SLC66A2: variants seen among roughly 807,000 people sequenced by gnomAD.
SLC66A2 encodes PQ loop repeat containing 1.
SLC66A2 carries 23 observed loss-of-function variants against 25.5 expected under a neutral mutation model. The observed-to-expected ratio is 0.90, with a 90% confidence interval of 0.65 to 1.28. The LOEUF (loss-of-function observed/expected upper bound fraction) is 1.28, where lower values mean the gene tolerates loss of function less well. SLC66A2 is among the 50% of genes most tolerant of loss of function. The pLI, the probability that SLC66A2 is intolerant of heterozygous loss-of-function variation, is 0.00. For missense variants in SLC66A2, 396 were observed against 373.1 expected (o/e 1.06, Z -0.51); for synonymous variants, 193 against 166.5 (o/e 1.16, Z -1.23).
chr18:79,948,788 A>G (rs1263101494), intron 2 of SLC66A2, among the ~76,000 whole-genome samples: 1 of 152,226 alleles, frequency 6.6e-6, no homozygotes, highest in Non-Finnish European at 1.5e-5. Context: ...CCTGAAGACG[A>G]GTGCAGCGCT....
chr18:79,951,182 G>A (rs1407480982), intron 1 of SLC66A2, among the ~76,000 whole-genome samples, 157 bp from the exon 2 acceptor site: 3 of 151,682 alleles, frequency 2.0e-5, no homozygotes, highest in Non-Finnish European at 3.0e-5. Flanking sequence ...GGACGGGGGG[G>A]TGTCTGGGGG....
chr18:79,943,462 C>T lies in SLC66A2; in HGVS notation c.204G>A (p.Trp68Ter). Residue 68 changes from tryptophan (W) to a stop codon, truncating the protein, a stop_gained and splice_region_variant, in exon 3 of 6, where the codon TGG becomes TGA. Coordinates refer to ENST00000397778, the MANE Select transcript of SLC66A2 (RefSeq NM_025078.5). LOFTEE classifies it high-confidence loss of function. ...GCGGGGACTCAAAGCGCCTTCCAAA[C>T]CTGCGGGAGAGACACTGTGTCAGGA... ...LVANILRILF[W>*]FGRRFESPLL... is the part of the protein sequence containing the mutation. 1 of 1,613,614 alleles carries T rather than the reference C, an allele frequency of 6.2e-7. No individual in the cohort carries two copies. Among genetic ancestry groups the T allele is most frequent in the Non-Finnish European group, 8.5e-7 (1 of 1,179,720 alleles).
intron 5 of SLC66A2, among the ~76,000 whole-genome samples, chr18:79,910,578 CTAAGCTGTAATTTAAGGCAAGTT>C (rs2123222057): frequency 6.6e-6 from 1 of 152,338 alleles, no homozygotes; most frequent in South Asian, 2.1e-4. Context: ...CATGAATGAA[CTAAGCTGTAATTTAAGGCAAGTT>C]TAAGCTGTAA....
intron 2 of SLC66A2, among the ~76,000 whole-genome samples, chr18:79,945,633 C>T (rs931504338): frequency 3.3e-5 from 5 of 152,192 alleles, no homozygotes; most frequent in Non-Finnish European, 7.4e-5. Context: ...AAAGAGGCAG[C>T]TTGAACAGGG....
chr18:79,916,163 CCGCAG>C (rs1984067788), intron 5 of SLC66A2, among the ~76,000 whole-genome samples: 2 of 78,012 alleles, frequency 2.6e-5, no homozygotes, highest in African/African-American at 7.4e-5. Flanking sequence ...GCTCTCGTAC[CCGCAG>C]TGCTCCCGTA....
At chr18:79,916,214 G>GCTCTTGTACCTGCGGCA (rs1354161801) in intron 5 of SLC66A2, among the ~76,000 whole-genome samples, 1 of 116,250 alleles carries the variant, frequency 8.6e-6, no homozygotes, top group Non-Finnish European at 1.8e-5. Flanking sequence ...TACCCGCGGC[G>GCTCTTGTACCTGCGGCA]CTCTTGTACC....
In SLC66A2 at chr18:79,904,135, G is replaced by A. The variant is rs1981650118; in HGVS notation, c.657C>T (p.Ala219=). 1 of 1,612,948 alleles carries A rather than the reference G, an allele frequency of 6.2e-7. No homozygotes were observed. Among genetic ancestry groups the A allele is most frequent in the African/African-American group, 1.3e-5 (1 of 74,888 alleles). The change falls in exon 6 of 6, where the codon GCC becomes GCT. Residue 219 remains alanine (A), a synonymous_variant. Transcript: ENST00000397778. This position sits in a 1 kb window ranked among gnomAD's most constrained non-coding sequence, Gnocchi z 6.3. ...GAGGGGCACCCTTCAGCAGGAAGTA[G>A]GCCGTCTTGAAGGCGTCACCACTGG... ...MWTSGDAFKT[A]YFLLKGAPLQ...
chr18:79,924,426 C>T (rs886925125), intron 4 of SLC66A2, among the ~76,000 whole-genome samples: 2 of 152,078 alleles, frequency 1.3e-5, no homozygotes, highest in Admixed American at 6.6e-5. Context: ...TGGGGGAAGA[C>T]GGAACTTGGG....
chr18:79,925,861 A>C (rs1196155495), intron 4 of SLC66A2, among the ~76,000 whole-genome samples: 1 of 152,262 alleles, frequency 6.6e-6, no homozygotes, highest in Non-Finnish European at 1.5e-5. Flanking sequence ...AGGCTGGCTA[A>C]GATGAGGCTG....
chr18:79,945,504 G>A (rs1172085115), intron 2 of SLC66A2, among the ~76,000 whole-genome samples: 3 of 152,192 alleles, frequency 2.0e-5, no homozygotes, highest in African/African-American at 4.8e-5. Context: ...GGCCACCACC[G>A]TCCCCTTGCC....
intron 4 of SLC66A2, among the ~76,000 whole-genome samples, chr18:79,924,530 C>T (rs776473743): frequency 3.3e-5 from 5 of 152,130 alleles, no homozygotes; most frequent in Non-Finnish European, 7.4e-5. Context: ...TCTGTAAATA[C>T]ACTAAAAACC....
At chr18:79,925,834 A>T (rs1599584917) in intron 4 of SLC66A2, among the ~76,000 whole-genome samples, 1 of 152,362 alleles carries the variant, frequency 6.6e-6, no homozygotes, top group East Asian at 1.9e-4. Context: ...GAGCAAGAGC[A>T]ACTCCATTGT....
chr18:79,929,638 G>T (rs1986362823), intron 4 of SLC66A2, among the ~76,000 whole-genome samples: 1 of 152,070 alleles, frequency 6.6e-6, no homozygotes, highest in Non-Finnish European at 1.5e-5. Flanking sequence ...AGTAGAAGAA[G>T]ACTTTAAAAT....
At chr18:79,932,888 G>A (rs1350911919) in intron 4 of SLC66A2, among the ~76,000 whole-genome samples, 2 of 152,164 alleles carry the variant, frequency 1.3e-5, no homozygotes, top group African/African-American at 4.8e-5. Flanking sequence ...AGAGAAATTA[G>A]TGTCAACCCT....
At chr18:79,942,862 C>A (rs768930450) in intron 3 of SLC66A2, among the ~76,000 whole-genome samples, 1 of 152,192 alleles carries the variant, frequency 6.6e-6, no homozygotes, top group African/African-American at 2.4e-5. Context: ...CCTGACCCTG[C>A]GGGGGGACTC....
At chr18:79,930,036 T>C (rs1986402484) in intron 4 of SLC66A2, among the ~76,000 whole-genome samples, 1 of 151,526 alleles carries the variant, frequency 6.6e-6, no homozygotes, top group Non-Finnish European at 1.5e-5. Flanking sequence ...GAAAAAAAAA[T>C]TCAAGGAGAT....
chr18:79,926,998 A>T (rs1156610680), intron 4 of SLC66A2, among the ~76,000 whole-genome samples: 1 of 152,232 alleles, frequency 6.6e-6, no homozygotes, highest in East Asian at 1.9e-4. Flanking sequence ...CAGTATTTTT[A>T]AAAATACAAA....
Position 79,917,939 on chromosome 18 carries a change from C to T in SLC66A2, c.608+1245G>A, listed in dbSNP as rs1380393413. On this transcript the variant is annotated intron_variant, in intron 5 of 5. Transcript: ENST00000397778. The surrounding 1 kb of genome is among the most constrained non-coding windows in gnomAD (Gnocchi z 6.0). ...GCCCACACCGGAACTCCATACCCCA[C>T]ACCCCAGCCCACACCTACACTTCAC... Among the ~76,000 whole-genome samples the T allele has an allele frequency of 6.6e-6, 1 of 151,954 alleles. No homozygotes were observed. The highest frequency in any genetic ancestry group is 1.9e-4 in the East Asian group (1 of 5,186).
In SLC66A2 at chr18:79,933,890, GCAA is replaced by G. The variant is rs1986816471; in HGVS notation, c.391+76_391+78del. 3.1e-6 allele frequency: 4 copies of G among 1,293,964 alleles called. No homozygotes were observed. The South Asian group carries it at 5.0e-5, about 16-fold the overall frequency. 80.2% of individuals were successfully genotyped at this position (1,293,964 alleles called of 1,614,324 possible). ...GACGCACGCACATGCACAGATGGAA[GCAA>G]CAACAGGAGGAAGTACAGCTGCAGG... On this transcript the variant is annotated intron_variant, in intron 4 of 5. Transcript: ENST00000397778.
Sources: allele counts gnomAD v4.1 joint callset (sites outside exome capture counted in the v4.1 genomes callset), GRCh38; gene constraint gnomAD v4.1.1; non-coding constraint Gnocchi (gnomAD v3.1); transcripts MANE v1.5; gene names NCBI Gene and HGNC (gene_info 2026-07-23, HGNC 2026-07-21).